RAB17: variants seen among roughly 807,000 people sequenced by gnomAD.
RAB17 encodes the protein RAB17, member RAS oncogene family.
A neutral mutation model predicts 19.3 loss-of-function variants in RAB17; 15 were observed. That is an observed-to-expected ratio of 0.78 (90% CI 0.52 to 1.20). The LOEUF (loss-of-function observed/expected upper bound fraction) is 1.20, where lower values mean the gene tolerates loss of function less well. Ranked by LOEUF, RAB17 falls within the 50% of genes most tolerant of loss-of-function variation. The pLI, the probability that RAB17 is intolerant of heterozygous loss-of-function variation, is 0.00. For synonymous variants in RAB17, 110 were observed against 112.8 expected (o/e 0.97, Z 0.16); for missense variants, 262 against 269.3 (o/e 0.97, Z 0.19).
chr2:237,577,162 T>C, intron 4 of RAB17, 95 bp downstream of exon 4: 2 of 1,449,698 alleles, frequency 1.4e-6, no homozygotes, highest in Non-Finnish European at 1.9e-6. Context: ...TGTGTGGGTG[T>C]GCGTGTATGA....
At chr2:237,585,643 C>T (rs2081343729) in intron 2 of RAB17, 2 of 187,818 alleles carry the variant, frequency 1.1e-5, no homozygotes, top group Non-Finnish European at 2.4e-5. Context: ...CTGGTTTAGG[C>T]CGCTGAGTGG....
intron 4 of RAB17, 93 bp downstream of exon 4, chr2:237,577,164 C>A: frequency 6.9e-7 from 1 of 1,455,912 alleles, no homozygotes; most frequent in Non-Finnish European, 9.3e-7. Flanking sequence ...TGTGGGTGTG[C>A]GTGTATGAAA....
At chr2:237,584,057 C>T (rs943560148) in intron 2 of RAB17, among the ~76,000 whole-genome samples, 1 of 151,854 alleles carries the variant, frequency 6.6e-6, no homozygotes, top group Non-Finnish European at 1.5e-5. Context: ...GGGGGATGCT[C>T]GGACCCTGGC....
intron 2 of RAB17, among the ~76,000 whole-genome samples, chr2:237,583,985 C>A (rs1181173828): frequency 6.6e-6 from 1 of 151,514 alleles, no homozygotes; most frequent in Non-Finnish European, 1.5e-5. Flanking sequence ...TTGTTCACCC[C>A]CCGACCCTGG....
In RAB17 at chr2:237,574,327, T is replaced by C. The variant is rs1473415862; in HGVS notation, c.*692A>G. ...CCTCAAAAACTTCTAAAAGCCAGAT[T>C]GTCAAAAGCAATTTAATTTTTGGAG... On this transcript the variant is annotated 3_prime_UTR_variant, in exon 6 of 6. Coordinates refer to ENST00000264601, the MANE Select transcript of RAB17 (RefSeq NM_022449.4). 5.5e-5 allele frequency: 78 copies of C among 1,427,588 alleles called. No individual in the cohort carries two copies. Among genetic ancestry groups the C allele is most frequent in the Non-Finnish European group, 1.8e-6 (2 of 1,091,584 alleles). 88.4% of individuals were successfully genotyped at this position (1,427,588 alleles called of 1,614,324 possible). A position where few individuals can be genotyped will look rare whatever the true frequency, so the allele number is the denominator to read the frequency against.
chr2:237,574,482 C>T lies in RAB17; in HGVS notation c.*537G>A. The T allele has an allele frequency of 2.6e-6, 4 of 1,550,654 alleles. No homozygotes were observed. Among genetic ancestry groups the T allele is most frequent in the Non-Finnish European group, 3.5e-6 (4 of 1,146,960 alleles). The stretch of plus-strand genomic sequence containing the variant: ...CCATGGAAGGGAACTGGCGCCACTG[C>T]CCCCAGCTGCCCTTCCCAGGGGCAA... On this transcript the variant is annotated 3_prime_UTR_variant, in exon 6 of 6. Transcript: ENST00000264601.
chr2:237,577,943 G>T, intron 3 of RAB17, 61 bp downstream of exon 3: 1 of 1,536,048 alleles, frequency 6.5e-7, no homozygotes, highest in South Asian at 1.2e-5. Flanking sequence ...CATTGCACTG[G>T]AGAAACCAGA....
At chr2:237,576,972 A>G (rs914428704) in intron 4 of RAB17, among the ~76,000 whole-genome samples, 7 of 152,162 alleles carry the variant, frequency 4.6e-5, no homozygotes, top group African/African-American at 1.7e-4. Flanking sequence ...GTTTTTCAGG[A>G]AAGACCGGAA....
At chr2:237,575,214 G>A (rs931965956) in intron 5 of RAB17, 86 bp from the exon 6 acceptor site, 10 of 1,171,166 alleles carry the variant, frequency 8.5e-6, no homozygotes, top group African/African-American at 4.7e-5. Context: ...CCCAGGACCC[G>A]CCCCTCCTGT....
rs568534406 is a variant in RAB17, at chr2:237,577,138, T to C, written c.435+119A>G. The C allele has an allele frequency of 9.0e-6, 11 of 1,224,552 alleles. No individual in the cohort carries two copies. The South Asian group carries it at 1.6e-4, about 18-fold the overall frequency. 75.9% of individuals were successfully genotyped at this position (1,224,552 alleles called of 1,614,324 possible). ...GCGTGTAGAGGTGTGTGTGCACATG[T>C]GTAAGTGTGTGCGTGTGTGGGTGTG... On this transcript the variant is annotated intron_variant, in intron 4 of 5. Coordinates refer to ENST00000264601, the MANE Select transcript of RAB17 (RefSeq NM_022449.4).
intron 4 of RAB17, among the ~76,000 whole-genome samples, chr2:237,576,889 C>T: frequency 6.6e-6 from 1 of 152,128 alleles, no homozygotes; most frequent in Middle Eastern, 3.2e-3. Flanking sequence ...CAAGCCGAGC[C>T]CACCCTGCAG....
In RAB17 at chr2:237,577,962, G is replaced by A. The variant is rs1447134105; in HGVS notation, c.309+42C>T. 6 of 1,561,392 alleles carry A rather than the reference G, an allele frequency of 3.8e-6. No individual in the cohort carries two copies. The highest frequency in any genetic ancestry group is 5.2e-6 in the Non-Finnish European group (6 of 1,147,632). On this transcript the variant is annotated intron_variant, in intron 3 of 5. Coordinates refer to ENST00000264601, the MANE Select transcript of RAB17 (RefSeq NM_022449.4). ...GCACTGGAGAAACCAGAAGGCAGGT[G>A]CTTGGGAAGGAGGGTGGGACGTGCC...
intron 2 of RAB17, chr2:237,578,372 C>A (rs1268301306): frequency 6.1e-6 from 3 of 490,002 alleles, no homozygotes; most frequent in Non-Finnish European, 1.1e-5. Context: ...TGCTATGGGG[C>A]CTTTGGAGAG....
At chr2:237,582,543 T>C (rs987923899) in intron 2 of RAB17, among the ~76,000 whole-genome samples, 14 of 152,230 alleles carry the variant, frequency 9.2e-5, no homozygotes, top group Non-Finnish European at 1.6e-4. Flanking sequence ...AGCCAAGCAC[T>C]GGGCGTGCTG....
Position 237,575,105 on chromosome 2 carries a change from C to G in RAB17, c.553G>C (p.Asp185His), listed in dbSNP as rs374905720. The stretch of plus-strand genomic sequence containing the variant: ...CCCCGTAGAGCCTGGCCCTCCTCGT[C>G]GCTTCTCTGCAGTAGCTCTTGGGCT... ...TVAQELLQRS[D>H]EEGQALRGDA... The change falls in exon 6 of 6, where the codon GAC becomes CAC. Residue 185 changes from aspartate to histidine, a missense_variant. Coordinates refer to ENST00000264601, the MANE Select transcript of RAB17 (RefSeq NM_022449.4). The G allele has an allele frequency of 2.5e-6, 4 of 1,613,424 alleles. No homozygotes were observed. The African/African-American group carries it at 4.0e-5, about 16-fold the overall frequency.
At position 237,574,741 on chromosome 2, in the gene RAB17, G is replaced by A. The variant is rs2081247232; in HGVS notation, c.*278C>T. On this transcript the variant is annotated 3_prime_UTR_variant, in exon 6 of 6. Coordinates refer to ENST00000264601, the MANE Select transcript of RAB17 (RefSeq NM_022449.4). ...CTCTGTCCAGAGGCTGCCAGGCTGAGGGGGCCACCGTCCAGGTGGAACAGG... is the reference window on the plus strand; with the variant it reads ...CTCTGTCCAGAGGCTGCCAGGCTGAAGGGGCCACCGTCCAGGTGGAACAGG... 1.5e-6 allele frequency: 2 copies of A among 1,345,570 alleles called. No individual in the cohort carries two copies. Among genetic ancestry groups the A allele is most frequent in the African/African-American group, 3.0e-5 (2 of 67,602 alleles). 83.4% of individuals were successfully genotyped at this position (1,345,570 alleles called of 1,614,324 possible).
intron 3 of RAB17, chr2:237,577,626 C>T (rs1025392557): frequency 2.0e-6 from 1 of 506,206 alleles, no homozygotes; most frequent in African/African-American, 1.9e-5. Context: ...TGACCAGGCC[C>T]AGGAGACTGC....
chr2:237,577,634 T>C (rs2081275947), intron 3 of RAB17: 1 of 498,296 alleles, frequency 2.0e-6, no homozygotes, highest in South Asian at 2.7e-5. Context: ...CCCAGGAGAC[T>C]GCCAGCCACG....
intron 2 of RAB17, among the ~76,000 whole-genome samples, chr2:237,580,495 C>T (rs1190431755): frequency 1.3e-5 from 2 of 151,910 alleles, no homozygotes; most frequent in Non-Finnish European, 2.9e-5. Context: ...AATCCCAGCA[C>T]TTTGGGAGGC....
Sources: gnomAD v4.1 joint callset for allele counts (sites outside exome capture counted in the v4.1 genomes callset) on GRCh38, gnomAD v4.1.1 for gene constraint, MANE v1.5 for transcripts, NCBI Gene and HGNC (gene_info 2026-07-23, HGNC 2026-07-21) for gene names.